Variants in RAPGEF5 observed in about 807,000 individuals in gnomAD.
The protein encoded by RAPGEF5 is Rap guanine nucleotide exchange factor 5, also known as M-Ras-regulated GEF.
In RAPGEF5, 65 loss-of-function variants were observed where a neutral mutation model predicts 125.2. The observed-to-expected ratio is 0.52, with a 90% CI of 0.43 to 0.64. The LOEUF is 0.64. Among genes scored for constraint, RAPGEF5 ranks in the 30% least tolerant of loss-of-function variants. The pLI is 0.00. For missense variants in RAPGEF5, 958 were observed against 1,048.1 expected (o/e 0.91, Z 1.19); for synonymous variants, 391 against 385.9 (o/e 1.01, Z -0.16).
intron 7 of RAPGEF5, among the ~76,000 whole-genome samples, chr7:22,252,706 C>T (rs1435016227): frequency 6.6e-6 from 1 of 152,142 alleles, no homozygotes; most frequent in African/African-American, 2.4e-5. Context: ...ATCATTTCGA[C>T]TTAATAGCTC....
intron 6 of RAPGEF5, among the ~76,000 whole-genome samples, chr7:22,271,238 G>A (rs1407796609): frequency 6.6e-6 from 1 of 152,120 alleles, no homozygotes; most frequent in Non-Finnish European, 1.5e-5. Context: ...GATTGAACCA[G>A]GCATCAGTGT....
At position 22,206,472 on chromosome 7, in the gene RAPGEF5, TG is replaced by T. The variant is rs1785399113; in HGVS notation, c.997-12440del. 2.6e-5 allele frequency among the ~76,000 whole-genome samples: 4 copies of T among 152,088 alleles called. No homozygotes were observed. The South Asian group carries it at 8.3e-4, about 32-fold the overall frequency. ...GTCCCAGCACTTTAGGAGGGTGAGTTGGGAGGATTTCCAGAGCTAAGGAGTT... is the reference window on the plus strand; with the variant it reads ...GTCCCAGCACTTTAGGAGGGTGAGTTGGAGGATTTCCAGAGCTAAGGAGTT... On this transcript the variant is annotated intron_variant, in intron 9 of 25. Coordinates refer to ENST00000665637, the MANE Select transcript of RAPGEF5 (RefSeq NM_012294.5).
At chr7:22,156,400 G>A (rs2128109472) in intron 16 of RAPGEF5, among the ~76,000 whole-genome samples, 1 of 152,286 alleles carries the variant, frequency 6.6e-6, no homozygotes, top group East Asian at 1.9e-4. Flanking sequence ...CTCGTGGACT[G>A]AGTCATGGAC....
intron 7 of RAPGEF5, among the ~76,000 whole-genome samples, chr7:22,265,827 A>G (rs978929163): frequency 1.3e-5 from 2 of 152,100 alleles, no homozygotes; most frequent in African/African-American, 2.4e-5. Flanking sequence ...CCCTCCTGCA[A>G]TCTTTATTGA....
At chr7:22,293,239 C>G (rs1189751131) in intron 5 of RAPGEF5, among the ~76,000 whole-genome samples, 1 of 152,190 alleles carries the variant, frequency 6.6e-6, no homozygotes, top group Admixed American at 6.5e-5. Flanking sequence ...CAAAGTGGCT[C>G]TGTGTGGCAA....
intron 1 of RAPGEF5, among the ~76,000 whole-genome samples, chr7:22,342,715 C>A (rs527809374): frequency 2.8e-4 from 42 of 152,292 alleles, no homozygotes; most frequent in African/African-American, 9.4e-4. Context: ...GGGCAAAATG[C>A]CACCAGTTCT....
chr7:22,310,029 A>T lies in RAPGEF5; in HGVS notation c.451T>A (p.Cys151Ser). 1.2e-6 allele frequency: 2 copies of T among 1,602,072 alleles called. No homozygotes were observed. Among genetic ancestry groups the T allele is most frequent in the Non-Finnish European group, 1.7e-6 (2 of 1,176,022 alleles). Residue 151 changes from cysteine (C) to serine (S), a missense_variant, in exon 4 of 26, where the codon TGC becomes AGC. Coordinates refer to ENST00000665637, the MANE Select transcript of RAPGEF5 (RefSeq NM_012294.5). The part of the protein sequence containing the change: ...WLLEHCPFVQ[C>S]RSMAIGVWQL... ...CAGACTCCTATGGCCATAGATCTGCACTGGACGAAAGGACAGTGTTCTAGA... is the reference window on the plus strand; with the variant it reads ...CAGACTCCTATGGCCATAGATCTGCTCTGGACGAAAGGACAGTGTTCTAGA...
chr7:22,131,244 T>C (rs1474835266), intron 23 of RAPGEF5, 143 bp from the exon 24 acceptor site: 1 of 1,118,700 alleles, frequency 8.9e-7, no homozygotes, highest in Non-Finnish European at 1.2e-6. Flanking sequence ...CAATTTGAAA[T>C]TGGATTTATG....
intron 11 of RAPGEF5, among the ~76,000 whole-genome samples, chr7:22,180,115 A>T (rs891706176): frequency 1.3e-5 from 2 of 152,170 alleles, no homozygotes; most frequent in African/African-American, 4.8e-5. Context: ...CTTGACAATT[A>T]TACAATGCGT....
chr7:22,289,889 A>ACT (rs1449821032), intron 6 of RAPGEF5, among the ~76,000 whole-genome samples: 1 of 150,630 alleles, frequency 6.6e-6, no homozygotes, highest in South Asian at 2.1e-4. Context: ...ACCCACTCTC[A>ACT]CTCTCTCTCT....
At chr7:22,211,133 T>C (rs1338442058) in intron 9 of RAPGEF5, among the ~76,000 whole-genome samples, 4 of 152,158 alleles carry the variant, frequency 2.6e-5, no homozygotes, top group East Asian at 1.9e-4. Flanking sequence ...TAAAACAACA[T>C]TTAGGACTGC....
At chr7:22,234,557 T>C (rs373021691) in intron 7 of RAPGEF5, among the ~76,000 whole-genome samples, 232 of 152,278 alleles carry the variant, frequency 1.5e-3, no homozygotes, top group African/African-American at 5.2e-3. Flanking sequence ...AAGATACAAG[T>C]GCAAGATCTA....
At chr7:22,264,300 T>C (rs969553507) in intron 7 of RAPGEF5, among the ~76,000 whole-genome samples, 1 of 152,186 alleles carries the variant, frequency 6.6e-6, no homozygotes, top group Non-Finnish European at 1.5e-5. Flanking sequence ...TGAATTTATG[T>C]CCCCATCATT....
At chr7:22,187,683 A>C (rs187367287) in intron 11 of RAPGEF5, among the ~76,000 whole-genome samples, 70 of 152,312 alleles carry the variant, frequency 4.6e-4, no homozygotes, top group African/African-American at 1.6e-3. Context: ...TTTGTCAGTT[A>C]TGAACTTCTC....
rs765233745 is a variant in RAPGEF5, at chr7:22,194,006, C to T, written c.1024G>A (p.Val342Ile). The change falls in exon 10 of 26, where the codon GTT (valine) becomes ATT (isoleucine). Residue 342 changes from valine to isoleucine, a missense_variant. Physicochemically the swap from Val to Ile is conservative, Grantham distance 29 (BLOSUM62 3). Coordinates refer to ENST00000665637, the MANE Select transcript of RAPGEF5 (RefSeq NM_012294.5). ...HQDDEVTTVQVKEQDQSVLVL... is the reference protein window; with the variant it reads ...HQDDEVTTVQIKEQDQSVLVL... ...AGGACGCTCTGGTCTTGCTCTTTAA[C>T]CTGAACAGTCGTCACTTCATCATCT... The T allele has an allele frequency of 6.2e-7, 1 of 1,613,882 alleles. No homozygotes were observed. The highest frequency in any genetic ancestry group is 8.5e-7 in the Non-Finnish European group (1 of 1,179,842).
At chr7:22,274,678 T>C (rs1160862964) in intron 6 of RAPGEF5, among the ~76,000 whole-genome samples, 2 of 152,106 alleles carry the variant, frequency 1.3e-5, no homozygotes, top group African/African-American at 4.8e-5. Flanking sequence ...ATCTGCTCCA[T>C]GAATGGCACC....
intron 1 of RAPGEF5, among the ~76,000 whole-genome samples, chr7:22,351,896 T>C (rs897365135): frequency 8.5e-5 from 13 of 152,210 alleles, no homozygotes; most frequent in African/African-American, 3.1e-4. Flanking sequence ...TTGTTCCTTT[T>C]TGAGACGGAA....
At chr7:22,311,333 A>T (rs1487406431) in intron 3 of RAPGEF5, among the ~76,000 whole-genome samples, 1 of 152,194 alleles carries the variant, frequency 6.6e-6, no homozygotes, top group Non-Finnish European at 1.5e-5. Flanking sequence ...TTTTAAAATA[A>T]TGTATCATAT....
rs117064428 is a variant in RAPGEF5 at position 22,322,282 on chromosome 7, C to T, written c.232-4245G>A. ...TCCTGAGTAGCTGGGACTACAGGCA[C>T]ACACCACCACCATGTCCAGCTGACT... On this transcript the variant is annotated intron_variant, in intron 1 of 25. Coordinates refer to ENST00000665637, the MANE Select transcript of RAPGEF5 (RefSeq NM_012294.5). 2.3e-4 allele frequency among the ~76,000 whole-genome samples: 35 copies of T among 151,790 alleles called. No individual in the cohort carries two copies. The East Asian group carries it at 5.0e-3, about 22-fold the overall frequency.
Sources: allele counts gnomAD v4.1 joint callset (sites outside exome capture counted in the v4.1 genomes callset), GRCh38; gene constraint gnomAD v4.1.1; transcripts MANE v1.5; gene names NCBI Gene and HGNC (gene_info 2026-07-23, HGNC 2026-07-21).